The following CDH11 variants were observed in gnomAD, a reference collection of about 807,000 sequenced individuals.
The protein encoded by CDH11 is cadherin-11.
A neutral mutation model predicts 67.8 loss-of-function variants in CDH11; 11 were observed. The observed-to-expected ratio is 0.16, with a 90% confidence interval of 0.10 to 0.27. The LOEUF (loss-of-function observed/expected upper bound fraction) is 0.27, where lower values mean the gene tolerates loss of function less well. Ranked by LOEUF, CDH11 falls within the 10% of genes least tolerant of loss-of-function variation. The pLI is 1.00. For missense variants in CDH11, 847 were observed against 1,031.2 expected (o/e 0.82, Z 2.45); for synonymous variants, 419 against 400.0 (o/e 1.05, Z -0.57).
intron 1 of CDH11, among the ~76,000 whole-genome samples, chr16:65,067,651 C>T (rs1216685021): frequency 6.6e-6 from 1 of 150,638 alleles, no homozygotes; most frequent in South Asian, 2.1e-4. Flanking sequence ...TCTATGCACA[C>T]TGACACATAG....
chr16:65,087,355 AG>A (rs1329940562), intron 1 of CDH11, among the ~76,000 whole-genome samples: 1 of 152,154 alleles, frequency 6.6e-6, no homozygotes, highest in African/African-American at 2.4e-5. Context: ...GCTGCAATTC[AG>A]GGGACTATGT....
intron 1 of CDH11, among the ~76,000 whole-genome samples, chr16:65,090,981 C>G (rs1405426168): frequency 6.6e-6 from 1 of 152,106 alleles, no homozygotes; most frequent in Non-Finnish European, 1.5e-5. Context: ...AACTTAAATT[C>G]CAGCCCTAGG....
chr16:64,994,274 A>C (rs2142499238), intron 4 of CDH11, among the ~76,000 whole-genome samples: 1 of 152,312 alleles, frequency 6.6e-6, no homozygotes, highest in Non-Finnish European at 1.5e-5. Context: ...TTATAAAGGA[A>C]AATACCATCA....
chr16:65,079,651 G>T (rs1433269347), intron 1 of CDH11, among the ~76,000 whole-genome samples: 1 of 152,134 alleles, frequency 6.6e-6, no homozygotes, highest in African/African-American at 2.4e-5. Context: ...TCTTGATTCA[G>T]TTGACCCCTC....
intron 1 of CDH11, among the ~76,000 whole-genome samples, chr16:65,071,638 C>T (rs568507389): frequency 6.6e-6 from 1 of 152,140 alleles, no homozygotes; most frequent in African/African-American, 2.4e-5. Flanking sequence ...CACAATCTGG[C>T]GATGGGATCC....
rs1044781530 is a variant in CDH11 at position 65,112,083 on chromosome 16, A to T, written c.-298+9797T>A. On this transcript the variant is annotated intron_variant, in intron 1 of 12. Transcript: ENST00000268603. ...AGACTCTGTCTCAAAAAAAAAAAAA[A>T]AAAAAGAATAAGTGCAATGTGGAGG... Among the ~76,000 whole-genome samples, 10 of 151,728 alleles carry T rather than the reference A, an allele frequency of 6.6e-5. 1 individual carries two copies. The highest frequency in any genetic ancestry group is 1.2e-4 in the Non-Finnish European group (8 of 67,880).
At chr16:64,981,796 C>T (rs35215) in intron 8 of CDH11, 103,782 of 356,256 alleles carry the variant, frequency 0.29, 16,758 homozygotes, top group Non-Finnish European at 0.35. Context: ...CTCAGGGCTC[C>T]GTCACCTAGT....
chr16:65,083,713 A>G (rs1044015309), intron 1 of CDH11, among the ~76,000 whole-genome samples: 2 of 152,246 alleles, frequency 1.3e-5, no homozygotes, highest in Admixed American at 1.3e-4. Flanking sequence ...GGATCTAATC[A>G]TCAGACATCA....
At chr16:64,964,303 T>G (rs1451594031) in intron 11 of CDH11, among the ~76,000 whole-genome samples, 1 of 152,148 alleles carries the variant, frequency 6.6e-6, no homozygotes, top group East Asian at 1.9e-4. Flanking sequence ...TAGGCTACAA[T>G]CCTATACAGT....
At chr16:65,045,717 T>C (rs1260672768) in intron 2 of CDH11, among the ~76,000 whole-genome samples, 1 of 152,040 alleles carries the variant, frequency 6.6e-6, no homozygotes, top group African/African-American at 2.4e-5. Context: ...GCGGAGTCAG[T>C]AAATACGTGT....
In CDH11 at chr16:64,971,888, C is replaced by A. The variant is rs779216852; in HGVS notation, c.1524+43G>T. Reference sequence around the variant, plus strand: ...TGGTTTAAAAAACACACTCTATTTCCAAGTGCATTGTTCCTAGCCAAGAAT... The same window carrying A: ...TGGTTTAAAAAACACACTCTATTTCAAAGTGCATTGTTCCTAGCCAAGAAT... On this transcript the variant is annotated intron_variant, in intron 10 of 12. Coordinates refer to ENST00000268603, the MANE Select transcript of CDH11 (RefSeq NM_001797.4). 2.0e-5 allele frequency: 32 copies of A among 1,607,428 alleles called. No homozygotes were observed. The East Asian group carries it at 2.5e-4, about 12-fold the overall frequency.
At chr16:65,004,412 A>G (rs1053589989) in intron 3 of CDH11, among the ~76,000 whole-genome samples, 2 of 152,204 alleles carry the variant, frequency 1.3e-5, no homozygotes, top group South Asian at 2.1e-4. Context: ...ATAACTCCCT[A>G]AAACTAAATG....
intron 11 of CDH11, among the ~76,000 whole-genome samples, chr16:64,959,487 A>C (rs1476638629): frequency 6.6e-6 from 1 of 152,178 alleles, no homozygotes; most frequent in Non-Finnish European, 1.5e-5. Flanking sequence ...TAAGTCAGTG[A>C]CCACGTGCAA....
chr16:65,015,243 A>G (rs1323124658), intron 2 of CDH11, among the ~76,000 whole-genome samples: 1 of 151,852 alleles, frequency 6.6e-6, no homozygotes, highest in Admixed American at 6.6e-5. Flanking sequence ...ATTAGCTACC[A>G]ATGTTCTTGC....
intron 1 of CDH11, among the ~76,000 whole-genome samples, chr16:65,108,170 G>A (rs1356325075): frequency 6.6e-6 from 1 of 152,056 alleles, no homozygotes; most frequent in Non-Finnish European, 1.5e-5. Flanking sequence ...TAGAGAGGGG[G>A]CAGCTACAAC....
chr16:64,984,389 A>C (rs2142468234), intron 7 of CDH11, among the ~76,000 whole-genome samples: 1 of 152,328 alleles, frequency 6.6e-6, no homozygotes, highest in Admixed American at 6.5e-5. Flanking sequence ...ATAGATGCTT[A>C]ACATTTAGAC....
chr16:65,009,891 G>C (rs140160832), intron 2 of CDH11, among the ~76,000 whole-genome samples: 6 of 152,314 alleles, frequency 3.9e-5, no homozygotes, highest in Non-Finnish European at 8.8e-5. Context: ...CTTGAGAGCA[G>C]ATAGCCCGTC....
intron 1 of CDH11, among the ~76,000 whole-genome samples, chr16:65,117,407 A>G (rs2075261124): frequency 6.6e-6 from 1 of 152,190 alleles, no homozygotes; most frequent in South Asian, 2.1e-4. Context: ...CTTTCATGAC[A>G]CTATCAAACA....
At chr16:65,061,488 G>C (rs1163808403) in intron 1 of CDH11, among the ~76,000 whole-genome samples, 2 of 152,084 alleles carry the variant, frequency 1.3e-5, no homozygotes, top group Non-Finnish European at 2.9e-5. Flanking sequence ...TATTTGGTTT[G>C]TTTTCTATAA....
Sources: gnomAD v4.1 joint callset for allele counts (sites outside exome capture counted in the v4.1 genomes callset) on GRCh38, gnomAD v4.1.1 for gene constraint, MANE v1.5 for transcripts, NCBI Gene and HGNC (gene_info 2026-07-23, HGNC 2026-07-21) for gene names.